Variants in FRMPD3 observed in about 807,000 individuals in gnomAD.
FRMPD3 encodes the protein FERM and PDZ domain containing 3.
In FRMPD3, 42 loss-of-function variants were observed where a neutral mutation model predicts 97.9. The observed-to-expected ratio is 0.43, with a 90% confidence interval of 0.34 to 0.55. The LOEUF (loss-of-function observed/expected upper bound fraction) is 0.55, where lower values mean the gene tolerates loss of function less well. FRMPD3 is among the 20% of genes least tolerant of loss of function. The pLI, the probability that FRMPD3 is intolerant of heterozygous loss-of-function variation, is 0.03. For synonymous variants in FRMPD3, 577 were observed against 581.1 expected (o/e 0.99, Z 0.10); for missense variants, 1,303 against 1,457.7 (o/e 0.89, Z 1.73).
intron 12 of FRMPD3, among the ~76,000 whole-genome samples, chrX:107,571,314 A>AC (rs1276946682): frequency 2.0e-4 from 22 of 112,418 alleles, no homozygotes; most frequent in African/African-American, 6.5e-4. Context: ...AACCTGTCCA[A>AC]CCTTTTTGTT....
intron 1 of FRMPD3, among the ~76,000 whole-genome samples, chrX:107,493,787 C>T (rs1921716263): frequency 9.0e-6 from 1 of 111,115 alleles, no homozygotes; most frequent in South Asian, 3.8e-4. Context: ...ATTTTTTTGC[C>T]CTTGGAGAAA....
intron 1 of FRMPD3, among the ~76,000 whole-genome samples, chrX:107,475,205 G>T (rs183259462): frequency 9.0e-6 from 1 of 111,497 alleles, no homozygotes; most frequent in African/African-American, 3.3e-5. Context: ...TCTCTCTCTT[G>T]TCCGGGTGTC....
intron 1 of FRMPD3, among the ~76,000 whole-genome samples, chrX:107,459,299 A>G (rs1931426460): frequency 8.9e-6 from 1 of 112,554 alleles, no homozygotes; most frequent in South Asian, 3.7e-4. Context: ...AACATCTTTC[A>G]ACTTCCCTGG....
chrX:107,563,093 G>A lies in FRMPD3; in HGVS notation c.1027-18G>A. On this transcript the variant is annotated intron_variant, in intron 10 of 14. Coordinates refer to ENST00000683843, the MANE Select transcript of FRMPD3 (RefSeq NM_001388459.1). ...TGCCCCTCAGGCTTCTCATATTTCT[G>A]GATGGGTTTTTCCACAGGGCTCTGC... 2.5e-6 allele frequency: 3 copies of A among 1,188,345 alleles called. No individual in the cohort carries two copies. Among genetic ancestry groups the A allele is most frequent in the Non-Finnish European group, 3.4e-6 (3 of 876,197 alleles).
intron 1 of FRMPD3, among the ~76,000 whole-genome samples, chrX:107,492,781 A>G (rs1011491049): frequency 1.8e-5 from 2 of 112,045 alleles, no homozygotes; most frequent in Non-Finnish European, 3.8e-5. Flanking sequence ...GTTTTTGCCC[A>G]TGGATCCCTC....
At chrX:107,570,269 A>G (rs770662441) in intron 12 of FRMPD3, among the ~76,000 whole-genome samples, 1 of 96,112 alleles carries the variant, frequency 1.0e-5, no homozygotes, top group South Asian at 4.1e-4. Context: ...ACACAACTGC[A>G]TAGGTTACAC....
rs781013526 is a variant in FRMPD3, at chrX:107,601,955, C to CG, written c.3923dup (p.Arg1309ProfsTer23). The stretch of plus-strand genomic sequence containing the variant: ...CAGCTGTGACTGCAAGCGCATCTGC[C>CG]GGGGGGGCCGGCCACAAGCCACCCA... On this transcript the variant is annotated frameshift_variant, in exon 15 of 15. Coordinates refer to ENST00000683843, the MANE Select transcript of FRMPD3 (RefSeq NM_001388459.1). LOFTEE classifies it high-confidence loss of function. 5 of 1,170,279 alleles carry CG rather than the reference C, an allele frequency of 4.3e-6. No individual in the cohort carries two copies. The highest frequency in any genetic ancestry group is 2.5e-5 in the Admixed American group (1 of 40,157).
At chrX:107,576,809 C>G (rs1190645800) in intron 13 of FRMPD3, among the ~76,000 whole-genome samples, 1 of 111,766 alleles carries the variant, frequency 8.9e-6, no homozygotes, top group African/African-American at 3.3e-5. Context: ...TACAGGTGTT[C>G]TGGCTCAGTT....
intron 13 of FRMPD3, among the ~76,000 whole-genome samples, chrX:107,589,091 C>A (rs1006010369): frequency 9.0e-6 from 1 of 111,357 alleles, no homozygotes; most frequent in Admixed American, 9.6e-5. Context: ...TCGTTCTTAT[C>A]ATCCTCCATC....
intron 1 of FRMPD3, among the ~76,000 whole-genome samples, chrX:107,502,156 C>A (rs975199067): frequency 9.1e-6 from 1 of 110,310 alleles, no homozygotes; most frequent in African/African-American, 3.3e-5. Context: ...ACAGAACATT[C>A]GCACCACAGG....
chrX:107,501,289 A>G (rs1018521976), intron 1 of FRMPD3, among the ~76,000 whole-genome samples: 18 of 100,072 alleles, frequency 1.8e-4, no homozygotes, highest in Non-Finnish European at 3.6e-4. Flanking sequence ...TTCAGTTCCT[A>G]TTGGGGAGGC....
intron 1 of FRMPD3, among the ~76,000 whole-genome samples, chrX:107,496,354 C>T (rs1273057421): frequency 9.0e-6 from 1 of 110,931 alleles, no homozygotes; most frequent in Admixed American, 9.6e-5. Context: ...ACATAGGGGC[C>T]TGGGCATGGT....
At chrX:107,458,293 A>G (rs914920355) in intron 1 of FRMPD3, among the ~76,000 whole-genome samples, 1 of 112,212 alleles carries the variant, frequency 8.9e-6, no homozygotes. Context: ...TAACAGAAAA[A>G]TAATACTCAT....
rs1423416657 is a variant in FRMPD3, at chrX:107,549,930, T to C, written c.403-119T>C. ...GCTCTTTCCTCTGTCTCTGCCCTCCTACACCTTTGGCTCTCTGTCTCCATC... is the reference window on the plus strand; with the variant it reads ...GCTCTTTCCTCTGTCTCTGCCCTCCCACACCTTTGGCTCTCTGTCTCCATC... On this transcript the variant is annotated intron_variant, in intron 5 of 14. Coordinates refer to ENST00000683843, the MANE Select transcript of FRMPD3 (RefSeq NM_001388459.1). The C allele has an allele frequency of 2.6e-4, 130 of 496,925 alleles. 1 individual carries two copies. The East Asian group carries it at 4.7e-3, about 18-fold the overall frequency. The allele number at this position is 496,925 out of a possible 1,213,427, so 41.0% of individuals were successfully genotyped here. A position where few individuals can be genotyped will look rare whatever the true frequency, so the allele number is the denominator to read the frequency against.
At chrX:107,564,010 G>T (rs745314157) in intron 11 of FRMPD3, among the ~76,000 whole-genome samples, 5 of 112,161 alleles carry the variant, frequency 4.5e-5, no homozygotes, top group Non-Finnish European at 9.4e-5. Flanking sequence ...GTCAGCTAGT[G>T]CGGCACATCG....
At chrX:107,551,066 T>A (rs909663001) in intron 6 of FRMPD3, among the ~76,000 whole-genome samples, 1 of 112,066 alleles carries the variant, frequency 8.9e-6, no homozygotes, top group South Asian at 3.7e-4. Flanking sequence ...CAACCAGGAT[T>A]CCTACTTCCC....
chrX:107,574,347 A>G (rs892565636), intron 12 of FRMPD3, among the ~76,000 whole-genome samples: 13 of 111,791 alleles, frequency 1.2e-4, no homozygotes, highest in Admixed American at 3.8e-4. Flanking sequence ...CATGAGCCAA[A>G]TCTGACTCAC....
chrX:107,470,260 A>G (rs1921021184), intron 1 of FRMPD3, among the ~76,000 whole-genome samples: 1 of 112,406 alleles, frequency 8.9e-6, no homozygotes, highest in Non-Finnish European at 1.9e-5. Flanking sequence ...CTTGGTTATG[A>G]CTTAGTTGGG....
chrX:107,604,163 G>A lies in FRMPD3; in HGVS notation c.*790G>A, dbSNP rs1403066206. Reference sequence around the variant, plus strand: ...AGACCCAGTGCAGGCCTAGGAGCCCGCCTAGCCCGGCCCAGCCCAGCTCAG... The same window carrying A: ...AGACCCAGTGCAGGCCTAGGAGCCCACCTAGCCCGGCCCAGCCCAGCTCAG... On this transcript the variant is annotated 3_prime_UTR_variant, in exon 15 of 15. Transcript: ENST00000683843. 1 of 107,071 alleles carries A rather than the reference G, an allele frequency of 9.3e-6. No homozygotes were observed. Among genetic ancestry groups the A allele is most frequent in the African/African-American group, 3.4e-5 (1 of 29,312 alleles). 8.8% of individuals were successfully genotyped at this position (107,071 alleles called of 1,213,427 possible).
Sources: gnomAD v4.1 joint callset for allele counts (sites outside exome capture counted in the v4.1 genomes callset) on GRCh38, gnomAD v4.1.1 for gene constraint, MANE v1.5 for transcripts, NCBI Gene and HGNC (gene_info 2026-07-23, HGNC 2026-07-21) for gene names.